The following EWSR1 variants were observed in gnomAD, a reference collection of about 807,000 sequenced individuals.
The protein encoded by EWSR1 is EWS RNA binding protein 1, also known as RNA-binding protein EWS.
Under a neutral mutation model 92.1 loss-of-function variants are expected in EWSR1, and 14 were observed. The observed-to-expected ratio is 0.15, with a 90% CI of 0.10 to 0.24. The LOEUF (loss-of-function observed/expected upper bound fraction) is 0.24, where lower values mean the gene tolerates loss of function less well. Ranked by LOEUF, EWSR1 falls within the 10% of genes least tolerant of loss-of-function variation. EWSR1 has a pLI of 1.00. For synonymous variants in EWSR1, 303 were observed against 292.9 expected (o/e 1.03, Z -0.35); for missense variants, 637 against 870.9 (o/e 0.73, Z 3.38).
rs762197821 is a variant in EWSR1, at chr22:29,286,906, T to G, written c.582-17T>G. 9 of 1,577,480 alleles carry G rather than the reference T, an allele frequency of 5.7e-6. No homozygotes were observed. In the African/African-American group the frequency reaches 1.2e-4, roughly 22 times the overall value. ...TTCTAAAAAAGCTTTTTTTTTTTTC[T>G]CTTCTCTCTCTTTCAGCTATTCCTC... On this transcript the variant is annotated splice_polypyrimidine_tract_variant and intron_variant, in intron 6 of 16. Transcript: ENST00000397938.
Position 29,296,210 on chromosome 22 carries a change from C to A in EWSR1, c.1165-29C>A. The A allele has an allele frequency of 1.9e-6, 3 of 1,607,104 alleles. No homozygotes were observed. The South Asian group carries it at 3.3e-5, about 18-fold the overall frequency. The stretch of plus-strand genomic sequence containing the variant: ...TTCTCCCAAATTAGTATATTCTAGT[C>A]ATGCCTAACTATGCTATTCTTTGTC... On this transcript the variant is annotated intron_variant, in intron 11 of 16. Transcript: ENST00000397938.
intron 6 of EWSR1, among the ~76,000 whole-genome samples, chr22:29,283,494 G>A (rs2059778522): frequency 6.6e-6 from 1 of 150,730 alleles, no homozygotes; most frequent in South Asian, 2.1e-4. Flanking sequence ...GACTGCAAGT[G>A]CATGCCACCA....
chr22:29,277,195 C>G, intron 4 of EWSR1: 1 of 225,628 alleles, frequency 4.4e-6, no homozygotes, highest in Non-Finnish European at 8.8e-6. Context: ...TAGTGAAATA[C>G]TGAAGGGGAG....
chr22:29,292,339 G>A lies in EWSR1; in HGVS notation c.1046-149G>A, dbSNP rs2060499796. ...TCTACTCATAATTGCCTTAAGTGAA[G>A]TAAACCAAAAGTTTGATAGCATTCT... On this transcript the variant is annotated intron_variant, in intron 10 of 16. Coordinates refer to ENST00000397938, the MANE Select transcript of EWSR1 (RefSeq NM_005243.4). 6.3e-6 allele frequency: 6 copies of A among 945,056 alleles called. No individual in the cohort carries two copies. The Admixed American group carries it at 1.0e-4, about 16-fold the overall frequency. 58.5% of individuals were successfully genotyped at this position (945,056 alleles called of 1,614,324 possible). A position where few individuals can be genotyped will look rare whatever the true frequency, so the allele number is the denominator to read the frequency against.
intron 11 of EWSR1, among the ~76,000 whole-genome samples, chr22:29,293,018 C>T (rs2060562020): frequency 6.6e-6 from 1 of 152,010 alleles, no homozygotes; most frequent in Non-Finnish European, 1.5e-5. Context: ...TCCCAAAGTG[C>T]TGGGATTACA....
At chr22:29,298,599 C>CACGGAAACACGGGACAGGTGATGGGG in intron 13 of EWSR1, 134 bp from the exon 14 acceptor site, 1 of 1,105,044 alleles carries the variant, frequency 9.0e-7, no homozygotes, top group African/African-American at 1.5e-5. Context: ...GCCTGAGCCA[C>CACGGAAACACGGGACAGGTGATGGGG]ACGGAAACAC....
intron 15 of EWSR1, 89 bp from the exon 16 acceptor site, chr22:29,299,510 G>A (rs2061170027): frequency 6.7e-7 from 1 of 1,503,084 alleles, no homozygotes; most frequent in Non-Finnish European, 8.9e-7. Flanking sequence ...GTTCTGCTGT[G>A]AGAGAAGGAA....
At chr22:29,285,128 T>TC (rs1036506479) in intron 6 of EWSR1, among the ~76,000 whole-genome samples, 1 of 146,290 alleles carries the variant, frequency 6.8e-6, no homozygotes, top group Non-Finnish European at 1.5e-5. Flanking sequence ...CCTTGTTTTT[T>TC]TTTTTTTTTT....
intron 7 of EWSR1, among the ~76,000 whole-genome samples, chr22:29,287,631 C>CT (rs2060145344): frequency 6.6e-6 from 1 of 152,114 alleles, no homozygotes; most frequent in African/African-American, 2.4e-5. Context: ...GATTTCAGTG[C>CT]TTTTTTCCAA....
intron 6 of EWSR1, among the ~76,000 whole-genome samples, chr22:29,285,676 A>G (rs2059970019): frequency 1.3e-5 from 2 of 151,310 alleles, no homozygotes; most frequent in South Asian, 4.1e-4. Context: ...ACTCGAGATT[A>G]TTGGCGGGCA....
At position 29,272,470 on chromosome 22, in the gene EWSR1, G is replaced by C. The variant is rs764920378; in HGVS notation, c.102+39G>C. Reference sequence around the variant, plus strand: ...TAATTACATGTAGCTGCACCTCCAAGTAAAATCAGTATATTATCCAGTTAT... The same window carrying C: ...TAATTACATGTAGCTGCACCTCCAACTAAAATCAGTATATTATCCAGTTAT... On this transcript the variant is annotated intron_variant, in intron 3 of 16. Coordinates refer to ENST00000397938, the MANE Select transcript of EWSR1 (RefSeq NM_005243.4). The C allele has an allele frequency of 1.9e-6, 3 of 1,563,748 alleles. No homozygotes were observed. The East Asian group carries it at 6.7e-5, about 35-fold the overall frequency.
At chr22:29,298,613 A>C in intron 13 of EWSR1, 120 bp from the exon 14 acceptor site, 1 of 1,228,466 alleles carries the variant, frequency 8.1e-7, no homozygotes, top group Non-Finnish European at 1.2e-6. Flanking sequence ...GAAACACGGG[A>C]CAGGTGATGG....
At chr22:29,274,188 T>TA (rs1377037684) in intron 4 of EWSR1, 10 of 1,516,444 alleles carry the variant, frequency 6.6e-6, no homozygotes, top group Non-Finnish European at 9.2e-6. Flanking sequence ...TTGAGCTGCT[T>TA]AAAAATCAAA....
intron 1 of EWSR1, chr22:29,269,251 C>T (rs1476163797): frequency 2.6e-5 from 4 of 152,234 alleles, no homozygotes; most frequent in South Asian, 2.1e-4. Flanking sequence ...AGTGGCCTCG[C>T]ACGTTTATTC....
chr22:29,268,393 G>T, intron 1 of EWSR1, 44 bp downstream of exon 1: 1 of 1,613,818 alleles, frequency 6.2e-7, no homozygotes, highest in Non-Finnish European at 8.5e-7. Flanking sequence ...TAGCCGGAAC[G>T]CCCAAACTGG....
rs2060232317 is a variant in EWSR1 at position 29,288,711 on chromosome 22, G to C, written c.899G>C (p.Arg300Pro). The C allele has an allele frequency of 6.2e-7, 1 of 1,613,784 alleles. No homozygotes were observed. Among genetic ancestry groups the C allele is most frequent in the Non-Finnish European group, 8.5e-7 (1 of 1,179,804 alleles). ...ENRSMSGPDN[R>P]GRGRGGFDRG... ...CGGAGCATGAGTGGCCCTGATAACC[G>C]GGGCAGGGGAAGAGGGGGATTTGAT... The change falls in exon 8 of 17, where the codon CGG becomes CCG. Residue 300 changes from arginine to proline, a missense_variant. By Grantham distance (103) the Arg-to-Pro change is moderately radical. This residue lies in a region of EWSR1 where 116 missense variants were observed against 167.8 expected (regional missense o/e 0.69). Transcript: ENST00000397938.
intron 5 of EWSR1, among the ~76,000 whole-genome samples, chr22:29,278,669 C>A (rs907915188): frequency 6.6e-6 from 1 of 151,982 alleles, no homozygotes; most frequent in African/African-American, 2.4e-5. Context: ...CTGAAAAATA[C>A]AAAAAATTAG....
chr22:29,291,704 C>A, intron 9 of EWSR1, 105 bp downstream of exon 9: 2 of 1,143,196 alleles, frequency 1.7e-6, no homozygotes, highest in Non-Finnish European at 2.5e-6. Context: ...TAAAAATGAT[C>A]TATACAAAAG....
chr22:29,299,812 G>C lies in EWSR1; in HGVS notation c.1892G>C (p.Gly631Ala), dbSNP rs754883032. The C allele has an allele frequency of 6.4e-7, 1 of 1,570,106 alleles. No homozygotes were observed. The highest frequency in any genetic ancestry group is 1.9e-5 in the Admixed American group (1 of 52,820). The change falls in exon 16 of 17, where the codon GGA (glycine) becomes GCA (alanine). Residue 631 changes from glycine to alanine, a missense_variant. Transcript: ENST00000397938. Reference sequence around the variant, plus strand: ...GGACCTTTGATGGAACAGATGGGAGGAAGAAGAGGAGGACGTGGAGGACCT... The same window carrying C: ...GGACCTTTGATGGAACAGATGGGAGCAAGAAGAGGAGGACGTGGAGGACCT... ...PPGPLMEQMG[G>A]RRGGRGGPGK...
Sources: gnomAD v4.1 joint callset for allele counts (sites outside exome capture counted in the v4.1 genomes callset) on GRCh38, gnomAD v4.1.1 for gene constraint, gnomAD v4.1.1 regional missense constraint, MANE v1.5 for transcripts, NCBI Gene and HGNC (gene_info 2026-07-23, HGNC 2026-07-21) for gene names.